RBFOX1: variants seen among roughly 807,000 people sequenced by gnomAD.
RBFOX1 encodes RNA binding protein fox-1 homolog 1.
RBFOX1 carries 8 observed loss-of-function variants against 57.7 expected under a neutral mutation model. The ratio of observed to expected loss-of-function variants is 0.14; its 90% CI spans 0.08 to 0.25. RBFOX1 has a LOEUF of 0.25. RBFOX1 is among the 10% of genes least tolerant of loss of function. The pLI, the probability that RBFOX1 is intolerant of heterozygous loss-of-function variation, is 1.00. For missense variants in RBFOX1, 611 were observed against 548.5 expected, an observed-to-expected ratio of 1.11 and a Z score of -1.14; for synonymous variants, 326 against 222.4, an observed-to-expected ratio of 1.47 and a Z score of -4.15.
At chr16:5,810,266 G>A (rs565016896) in intron 3 of RBFOX1, among the ~76,000 whole-genome samples, 1 of 152,134 alleles carries the variant, frequency 6.6e-6, no homozygotes, top group South Asian at 2.1e-4. Context: ...AATGGCACAT[G>A]TATACATATG....
intron 1 of RBFOX1, among the ~76,000 whole-genome samples, chr16:6,119,433 G>A (rs903093650): frequency 6.6e-6 from 1 of 152,100 alleles, no homozygotes; most frequent in African/African-American, 2.4e-5. Context: ...TAGTTGAGAA[G>A]GCATTTGCCA....
intron 1 of RBFOX1, among the ~76,000 whole-genome samples, chr16:6,154,320 A>G (rs370438748): frequency 2.0e-5 from 3 of 152,238 alleles, no homozygotes; most frequent in Non-Finnish European, 2.9e-5. Flanking sequence ...CCAAGTTAGT[A>G]TAAAGATAAT....
intron 2 of RBFOX1, among the ~76,000 whole-genome samples, chr16:6,603,615 C>G (rs371764212): frequency 6.6e-6 from 1 of 152,144 alleles, no homozygotes; most frequent in Non-Finnish European, 1.5e-5. Context: ...AGAAAGCCCC[C>G]CCGGGCAGCC....
chr16:6,383,756 C>T lies in RBFOX1; in HGVS notation c.-64+66699C>T, dbSNP rs2345054. ...CTGCACTCCAGCCTGGGCGACAGTG[C>T]GAGAATTTATCTTGGAAAAAAAAAA... On this transcript the variant is annotated intron_variant, in intron 2 of 15. Transcript: ENST00000550418. Among the ~76,000 whole-genome samples the T allele has an allele frequency of 4.5e-3, 675 of 150,684 alleles. 6 individuals are homozygous for T. The highest frequency in any genetic ancestry group is 0.016 in the African/African-American group (641 of 40,798).
At chr16:7,686,417 A>G (rs923608708) in intron 14 of RBFOX1, among the ~76,000 whole-genome samples, 1 of 152,038 alleles carries the variant, frequency 6.6e-6, no homozygotes. Context: ...AGCTTAGGCC[A>G]CCACACATGC....
At chr16:6,674,958 T>G (rs1369963759) in intron 3 of RBFOX1, among the ~76,000 whole-genome samples, 1 of 152,074 alleles carries the variant, frequency 6.6e-6, no homozygotes, top group Non-Finnish European at 1.5e-5. Flanking sequence ...CAGGCTGGAG[T>G]GCAGTGGCAT....
intron 4 of RBFOX1, among the ~76,000 whole-genome samples, chr16:7,362,620 G>C (rs1221561418): frequency 6.6e-6 from 1 of 151,800 alleles, no homozygotes; most frequent in Non-Finnish European, 1.5e-5. Flanking sequence ...TGTTTTGCGT[G>C]TAGTATGTGT....
intron 4 of RBFOX1, among the ~76,000 whole-genome samples, chr16:5,956,678 A>ATATTTTTTTTTT (rs368096576): frequency 1.7e-5 from 2 of 116,502 alleles, no homozygotes; most frequent in African/African-American, 3.5e-5. Flanking sequence ...ATATATATAT[A>ATATTTTTTTTTT]TTTTTTTTGA....
intron 3 of RBFOX1, among the ~76,000 whole-genome samples, chr16:5,718,769 C>A (rs2051814419): frequency 6.6e-6 from 1 of 152,048 alleles, no homozygotes; most frequent in South Asian, 2.1e-4. Context: ...TTAGCCGGGG[C>A]ATAGTCGTGG....
intron 1 of RBFOX1, among the ~76,000 whole-genome samples, chr16:5,399,305 T>G (rs2066649399): frequency 6.6e-6 from 1 of 152,236 alleles, no homozygotes; most frequent in Admixed American, 6.5e-5. Flanking sequence ...GGCTCACACC[T>G]TGATTTATCT....
At chr16:5,692,611 C>T (rs1195042510) in intron 3 of RBFOX1, among the ~76,000 whole-genome samples, 1 of 152,060 alleles carries the variant, frequency 6.6e-6, no homozygotes, top group Non-Finnish European at 1.5e-5. Context: ...TGTTATGCAG[C>T]AATAGAAAAG....
intron 1 of RBFOX1, among the ~76,000 whole-genome samples, chr16:5,287,455 T>C (rs1410150288): frequency 6.6e-6 from 1 of 152,208 alleles, no homozygotes; most frequent in African/African-American, 2.4e-5. Context: ...CTATTAAAAA[T>C]TGGTTAAAAT....
chr16:5,629,887 T>C (rs759739338), intron 3 of RBFOX1, among the ~76,000 whole-genome samples: 72 of 152,178 alleles, frequency 4.7e-4, no homozygotes, highest in Non-Finnish European at 7.8e-4. Context: ...AGTAGGAAAG[T>C]ACCCATCTTA....
intron 3 of RBFOX1, among the ~76,000 whole-genome samples, chr16:5,712,270 C>T (rs1177999791): frequency 6.6e-6 from 1 of 152,188 alleles, no homozygotes. Context: ...GAAGCCAAAC[C>T]ATATAATGCT....
intron 1 of RBFOX1, among the ~76,000 whole-genome samples, chr16:6,029,683 G>A (rs2095259438): frequency 6.8e-6 from 1 of 146,110 alleles, no homozygotes; most frequent in South Asian, 2.2e-4. Context: ...TGAGGCAGGA[G>A]AACGGCGTGA....
intron 2 of RBFOX1, among the ~76,000 whole-genome samples, chr16:6,641,857 T>G (rs889454841): frequency 6.6e-6 from 1 of 151,770 alleles, no homozygotes; most frequent in Non-Finnish European, 1.5e-5. Flanking sequence ...GTTTCCTTCT[T>G]TGGAGATTAC....
intron 10 of RBFOX1, 134 bp from the exon 11 acceptor site, chr16:7,630,469 G>A (rs1026837095): frequency 4.6e-6 from 7 of 1,515,568 alleles, no homozygotes. Flanking sequence ...GGGCTTTGTT[G>A]GGTACCCTTG....
At chr16:7,136,945 T>C (rs1051278670) in intron 4 of RBFOX1, among the ~76,000 whole-genome samples, 3 of 152,240 alleles carry the variant, frequency 2.0e-5, no homozygotes, top group South Asian at 4.1e-4. Context: ...TTCCTCGTCA[T>C]GGCCCATGGG....
chr16:5,954,715 C>G (rs941090090), intron 4 of RBFOX1, among the ~76,000 whole-genome samples: 14 of 152,092 alleles, frequency 9.2e-5, no homozygotes, highest in Non-Finnish European at 4.4e-5. Context: ...GCGCCGTGAG[C>G]TATTATTTCA....
Sources: allele counts gnomAD v4.1 joint callset (sites outside exome capture counted in the v4.1 genomes callset), GRCh38; gene constraint gnomAD v4.1.1; transcripts MANE v1.5; gene names NCBI Gene and HGNC (gene_info 2026-07-23, HGNC 2026-07-21).